Variants in GPC4 observed in about 807,000 individuals in gnomAD.
GPC4 encodes the protein glypican-4.
A neutral mutation model predicts 35.0 loss-of-function variants in GPC4; 10 were observed. The observed-to-expected ratio is 0.29, with a 90% confidence interval of 0.18 to 0.48. GPC4 has a LOEUF of 0.48. Among genes scored for constraint, GPC4 ranks in the 20% least tolerant of loss-of-function variants. GPC4 has a pLI of 0.99. For synonymous variants in GPC4, 167 were observed against 170.2 expected (o/e 0.98, Z 0.15); for missense variants, 322 against 451.3 (o/e 0.71, Z 2.60).
At chrX:133,405,744 A>G (rs1161115472) in intron 1 of GPC4, among the ~76,000 whole-genome samples, 1 of 112,191 alleles carries the variant, frequency 8.9e-6, no homozygotes, top group Non-Finnish European at 1.9e-5. Flanking sequence ...TGGATAACCA[A>G]AGCATTTTAT....
At chrX:133,397,569 G>GTAAAAA (rs1301185186) in intron 1 of GPC4, among the ~76,000 whole-genome samples, 1 of 108,303 alleles carries the variant, frequency 9.2e-6, no homozygotes, top group Non-Finnish European at 1.9e-5. Context: ...AAAAAAAAAA[G>GTAAAAA]TAAAAATAAA....
rs1460621377 is a variant in GPC4, at chrX:133,402,815, A to C, written c.160+11991T>G. Among the ~76,000 whole-genome samples the C allele has an allele frequency of 5.5e-5, 6 of 109,881 alleles. No individual in the cohort carries two copies. In the Admixed American group the frequency reaches 5.8e-4, roughly 11 times the overall value. On this transcript the variant is annotated intron_variant, in intron 1 of 8. Transcript: ENST00000370828. ...CTGCACAGGAGGCTGGGGCAGGAGA[A>C]TCACTTGAACCCAGGAGGCAGAGGT... is the stretch of plus-strand genomic sequence containing the variant.
intron 1 of GPC4, among the ~76,000 whole-genome samples, chrX:133,396,479 C>T (rs1404986034): frequency 8.9e-6 from 1 of 112,012 alleles, no homozygotes; most frequent in Non-Finnish European, 1.9e-5. Flanking sequence ...TCAATAACTG[C>T]GCCAAATGCA....
chrX:133,324,853 T>G (rs1418338997), intron 2 of GPC4, among the ~76,000 whole-genome samples: 1 of 111,584 alleles, frequency 9.0e-6, no homozygotes, highest in Non-Finnish European at 1.9e-5. Flanking sequence ...CTCTCTGTCA[T>G]AGGTGAATAA....
At chrX:133,385,000 C>A (rs112444050) in intron 1 of GPC4, among the ~76,000 whole-genome samples, 2,196 of 112,007 alleles carry the variant, frequency 0.02, 57 homozygotes, top group African/African-American at 0.068. Flanking sequence ...ATAATGAACT[C>A]ACATCTGTTT....
At chrX:133,342,147 G>A (rs1015826761) in intron 1 of GPC4, among the ~76,000 whole-genome samples, 18 of 103,842 alleles carry the variant, frequency 1.7e-4, no homozygotes, top group Admixed American at 4.4e-4. Context: ...AGGGATTCTC[G>A]TGCCTCAGCC....
intron 4 of GPC4, among the ~76,000 whole-genome samples, chrX:133,308,079 G>A (rs1044471137): frequency 2.7e-5 from 3 of 112,067 alleles, no homozygotes; most frequent in African/African-American, 9.7e-5. Context: ...TCTGCAGCCC[G>A]GGAGCCAAAG....
chrX:133,341,880 C>T (rs1277447523), intron 1 of GPC4, among the ~76,000 whole-genome samples: 2 of 109,236 alleles, frequency 1.8e-5, no homozygotes, highest in African/African-American at 3.3e-5. Context: ...TAACCTGGTC[C>T]GAGTGGATGG....
At chrX:133,311,748 T>C (rs766453468) in intron 3 of GPC4, among the ~76,000 whole-genome samples, 7 of 111,012 alleles carry the variant, frequency 6.3e-5, no homozygotes, top group Non-Finnish European at 1.1e-4. Flanking sequence ...AAAATCCTTT[T>C]ACAAATAACT....
intron 1 of GPC4, among the ~76,000 whole-genome samples, chrX:133,373,166 A>G (rs1000157034): frequency 8.9e-6 from 1 of 111,933 alleles, no homozygotes; most frequent in African/African-American, 3.2e-5. Context: ...AGAAAACAAT[A>G]AATAAAAACA....
intron 3 of GPC4, among the ~76,000 whole-genome samples, chrX:133,311,818 G>T (rs1257782840): frequency 9.0e-6 from 1 of 111,568 alleles, no homozygotes; most frequent in Non-Finnish European, 1.9e-5. Context: ...CACCATGCAC[G>T]TCCTGCTAAT....
intron 1 of GPC4, among the ~76,000 whole-genome samples, chrX:133,351,355 A>C (rs2068515496): frequency 1.1e-5 from 1 of 94,602 alleles, no homozygotes; most frequent in African/African-American, 3.8e-5. Flanking sequence ...CTTGGTGTGA[A>C]CCCCCCCATC....
At chrX:133,387,828 C>T (rs778992380) in intron 1 of GPC4, among the ~76,000 whole-genome samples, 7 of 111,725 alleles carry the variant, frequency 6.3e-5, no homozygotes, top group Non-Finnish European at 1.3e-4. Context: ...AGTGCAGCAC[C>T]GATAGGGCTC....
chrX:133,408,907 T>A (rs758531206), intron 1 of GPC4, among the ~76,000 whole-genome samples: 75 of 111,166 alleles, frequency 6.7e-4, no homozygotes, highest in Admixed American at 3.3e-3. Context: ...TTCATGCCTG[T>A]AATTCCAGCA....
intron 1 of GPC4, among the ~76,000 whole-genome samples, chrX:133,382,645 C>T (rs1457248558): frequency 9.1e-6 from 1 of 110,374 alleles, no homozygotes; most frequent in African/African-American, 3.3e-5. Flanking sequence ...AGGAGAATGG[C>T]GTGAACCCAG....
chrX:133,400,469 A>G (rs745654355), intron 1 of GPC4, among the ~76,000 whole-genome samples: 72 of 112,618 alleles, frequency 6.4e-4, no homozygotes, highest in Non-Finnish European at 1.2e-3. Context: ...GAATTATTGA[A>G]TCAATGTCTG....
intron 1 of GPC4, among the ~76,000 whole-genome samples, chrX:133,361,226 G>T (rs772345566): frequency 8.9e-6 from 1 of 111,745 alleles, no homozygotes; most frequent in East Asian, 2.8e-4. Context: ...TATAACCTTT[G>T]AAATATTCCA....
chrX:133,310,183 A>C (rs2068308778), intron 4 of GPC4, among the ~76,000 whole-genome samples: 1 of 111,385 alleles, frequency 9.0e-6, no homozygotes, highest in Non-Finnish European at 1.9e-5. Flanking sequence ...ACCTCCCCCC[A>C]AAAAACCAAG....
At chrX:133,334,380 G>T (rs1346814987) in intron 2 of GPC4, among the ~76,000 whole-genome samples, 1 of 112,005 alleles carries the variant, frequency 8.9e-6, no homozygotes, top group Non-Finnish European at 1.9e-5. Flanking sequence ...TCTTTTGTGT[G>T]CATTTTAAGC....
Sources: allele counts gnomAD v4.1 joint callset (sites outside exome capture counted in the v4.1 genomes callset), GRCh38; gene constraint gnomAD v4.1.1; transcripts MANE v1.5; gene names NCBI Gene and HGNC (gene_info 2026-07-23, HGNC 2026-07-21).